Variants in LARP4B observed in about 807,000 individuals in gnomAD.
LARP4B encodes la-related protein 4B.
In LARP4B, 12 loss-of-function variants were observed where a neutral mutation model predicts 89.8. The ratio of observed to expected loss-of-function variants is 0.13; its 90% CI spans 0.09 to 0.22. The LOEUF (loss-of-function observed/expected upper bound fraction) is 0.22, where lower values mean the gene tolerates loss of function less well. Ranked by LOEUF, LARP4B falls within the 10% of genes least tolerant of loss-of-function variation. The probability of loss-of-function intolerance (pLI) is 1.00; values close to 1 mark genes in which losing one functional copy is unlikely to be tolerated. For synonymous variants in LARP4B, 367 were observed against 363.3 expected (o/e 1.01, Z -0.12); for missense variants, 757 against 947.7 (o/e 0.80, Z 2.64).
In LARP4B at chr10:814,261, A is replaced by G. The variant is rs140226531; in HGVS notation, c.1929+481T>C. ...TACAGAGGCCACAACTCAGAGTAAG[A>G]GAGGCCACAGTTCACCCAGTAGGGA... On this transcript the variant is annotated intron_variant, in intron 17 of 17. Transcript: ENST00000316157. The surrounding 1 kb of genome is among the most constrained non-coding windows in gnomAD (Gnocchi z 4.4). Among the ~76,000 whole-genome samples, 279 of 152,260 alleles carry G rather than the reference A, an allele frequency of 1.8e-3. 1 individual carries two copies. The highest frequency in any genetic ancestry group is 3.3e-3 in the Non-Finnish European group (227 of 68,020).
intron 1 of LARP4B, among the ~76,000 whole-genome samples, chr10:904,105 A>G (rs918602528): frequency 1.9e-4 from 29 of 152,184 alleles, no homozygotes; most frequent in African/African-American, 6.5e-4. Flanking sequence ...AAAAATTCTG[A>G]TGTTTCTTCT....
At chr10:870,296 C>T (rs144988942) in intron 3 of LARP4B, among the ~76,000 whole-genome samples, 186 of 152,304 alleles carry the variant, frequency 1.2e-3, no homozygotes, top group African/African-American at 4.4e-3. Flanking sequence ...ACGGGAGACT[C>T]CTTCTGGGAA....
intron 1 of LARP4B, among the ~76,000 whole-genome samples, chr10:915,425 G>GA (rs35208084): frequency 0.13 from 19,316 of 151,300 alleles, 1,613 homozygotes; most frequent in Non-Finnish European, 0.19. Flanking sequence ...GAATAAGCTG[G>GA]AAAAAAAAAG....
At chr10:963,683 C>A in the LARP4B span, among the ~76,000 whole-genome samples, 470 of 152,268 alleles carry the variant, frequency 3.1e-3, 4 homozygotes, top group African/African-American at 0.01. Context: ...TAGCAGAACA[C>A]CACAGGCTGG....
intron 7 of LARP4B, among the ~76,000 whole-genome samples, chr10:841,386 G>C (rs566427803): frequency 2.6e-5 from 4 of 152,158 alleles, no homozygotes; most frequent in African/African-American, 9.7e-5. Flanking sequence ...AGTGCAAATG[G>C]ATAAAAGTTA....
the LARP4B span, among the ~76,000 whole-genome samples, chr10:979,304 C>T: frequency 6.6e-6 from 1 of 152,184 alleles, no homozygotes; most frequent in Admixed American, 6.5e-5. Flanking sequence ...ATTTGCCCCT[C>T]CAGATTGTGT....
intron 3 of LARP4B, among the ~76,000 whole-genome samples, chr10:883,259 C>T (rs1835741717): frequency 6.6e-6 from 1 of 152,216 alleles, no homozygotes; most frequent in Non-Finnish European, 1.5e-5. Flanking sequence ...TGCCTGTAAT[C>T]CCAGCACTTT....
chr10:888,501 G>A (rs953679587), intron 1 of LARP4B, among the ~76,000 whole-genome samples: 1 of 152,150 alleles, frequency 6.6e-6, no homozygotes, highest in African/African-American at 2.4e-5. Context: ...GACTTCAAGC[G>A]AAAGGACGTG....
chr10:841,736 C>A (rs1333885408), intron 7 of LARP4B, among the ~76,000 whole-genome samples: 1 of 152,168 alleles, frequency 6.6e-6, no homozygotes, highest in Non-Finnish European at 1.5e-5. Flanking sequence ...TGCATGATGA[C>A]ACCAGGGAGC....
At position 829,553 on chromosome 10, in the gene LARP4B, CA is replaced by C; in HGVS notation, c.956del (p.Leu319CysfsTer11). On this transcript the variant is annotated frameshift_variant, in exon 11 of 18. Transcript: ENST00000316157. LOFTEE classifies it high-confidence loss of function. ...KAKAIAINTF[L>X]PKNGFRPLDV... ...CCAGGGGTCTAAATCCATTCTTTGG[CA>C]AAAATGTGTTTATAGCTATTGCCTT... 6.2e-7 allele frequency: 1 copy of C among 1,614,048 alleles called. No homozygotes were observed. The highest frequency in any genetic ancestry group is 8.5e-7 in the Non-Finnish European group (1 of 1,180,008).
At chr10:985,482 A>C in the LARP4B span, 1 of 152,244 alleles carries the variant, frequency 6.6e-6, no homozygotes, top group African/African-American at 2.4e-5. Context: ...ACATTTTCCC[A>C]GGATCACAGC....
chr10:939,632 T>C, the LARP4B span, among the ~76,000 whole-genome samples: 1 of 152,192 alleles, frequency 6.6e-6, no homozygotes, highest in Non-Finnish European at 1.5e-5. Context: ...CTTCTAGGCC[T>C]GAGAAAAGGC....
intron 3 of LARP4B, among the ~76,000 whole-genome samples, chr10:877,725 G>A (rs1009137805): frequency 5.9e-5 from 9 of 152,156 alleles, no homozygotes; most frequent in Non-Finnish European, 1.3e-4. Flanking sequence ...AGCCATGAGA[G>A]TCTGCAGTGA....
At chr10:852,061 T>A (rs1834082059) in intron 5 of LARP4B, among the ~76,000 whole-genome samples, 1 of 152,054 alleles carries the variant, frequency 6.6e-6, no homozygotes, top group African/African-American at 2.4e-5. Context: ...CAAGACTCTG[T>A]GAGCAACTAA....
At chr10:868,522 C>T (rs1835033474) in intron 3 of LARP4B, among the ~76,000 whole-genome samples, 1 of 152,096 alleles carries the variant, frequency 6.6e-6, no homozygotes, top group Non-Finnish European at 1.5e-5. Context: ...TAATTTAAAA[C>T]TGGAAGCACA....
chr10:959,919 TCAATCCCACCTCCTC>T, the LARP4B span, among the ~76,000 whole-genome samples: 2 of 147,114 alleles, frequency 1.4e-5, no homozygotes, highest in South Asian at 4.4e-4. Flanking sequence ...CACCTCCTCC[TCAATCCCACCTCCTC>T]GTCAATCCCA....
At chr10:854,927 T>G (rs1834228296) in intron 5 of LARP4B, among the ~76,000 whole-genome samples, 1 of 152,258 alleles carries the variant, frequency 6.6e-6, no homozygotes, top group Admixed American at 6.5e-5. Context: ...GCCATCTTCA[T>G]CAATTATCTT....
At chr10:955,318 G>GT in the LARP4B span, among the ~76,000 whole-genome samples, 2 of 152,222 alleles carry the variant, frequency 1.3e-5, no homozygotes, top group Non-Finnish European at 2.9e-5. This position sits in a 1 kb window ranked among gnomAD's most constrained non-coding sequence, Gnocchi z 5.2. Flanking sequence ...GCAGCCCGTG[G>GT]GGGGCCCACA....
chr10:834,766 T>C (rs1201417403), intron 8 of LARP4B, among the ~76,000 whole-genome samples: 1 of 152,144 alleles, frequency 6.6e-6, no homozygotes, highest in Non-Finnish European at 1.5e-5. Flanking sequence ...TTGGTTAAAG[T>C]TTTACAAACA....
Sources: allele counts gnomAD v4.1 joint callset (sites outside exome capture counted in the v4.1 genomes callset), GRCh38; gene constraint gnomAD v4.1.1; non-coding constraint Gnocchi (gnomAD v3.1); transcripts MANE v1.5; gene names NCBI Gene and HGNC (gene_info 2026-07-23, HGNC 2026-07-21).